TOX: variants seen among roughly 807,000 people sequenced by gnomAD.
The protein encoded by TOX is thymocyte selection-associated high mobility group box protein TOX.
In TOX, 11 loss-of-function variants were observed where a neutral mutation model predicts 53.7. The ratio of observed to expected loss-of-function variants is 0.20; its 90% CI spans 0.13 to 0.34. The LOEUF (loss-of-function observed/expected upper bound fraction) is 0.34. Ranked by LOEUF, TOX falls within the 10% of genes least tolerant of loss-of-function variation. TOX has a pLI of 1.00. For missense variants in TOX, 570 were observed against 664.6 expected, an observed-to-expected ratio of 0.86 and a Z score of 1.56; for synonymous variants, 225 against 245.3, an observed-to-expected ratio of 0.92 and a Z score of 0.77.
chr8:58,978,482 A>T (rs1323429398), intron 1 of TOX, among the ~76,000 whole-genome samples: 1 of 152,230 alleles, frequency 6.6e-6, no homozygotes, highest in African/African-American at 2.4e-5. Context: ...CTTAGACAAC[A>T]TAAGGTATCT....
chr8:59,024,863 A>G (rs769171572), intron 1 of TOX, among the ~76,000 whole-genome samples: 14 of 152,232 alleles, frequency 9.2e-5, no homozygotes, highest in South Asian at 4.1e-4. Context: ...TAAAATTATT[A>G]AAGTAAATGT....
intron 1 of TOX, among the ~76,000 whole-genome samples, chr8:59,075,855 A>T (rs1294512286): frequency 6.6e-6 from 1 of 152,092 alleles, no homozygotes; most frequent in East Asian, 1.9e-4. Context: ...AAAATGCAAA[A>T]TTAGCCAGGC....
intron 3 of TOX, among the ~76,000 whole-genome samples, chr8:58,855,392 C>CT (rs1810897773): frequency 6.6e-6 from 1 of 152,158 alleles, no homozygotes; most frequent in Non-Finnish European, 1.5e-5. Flanking sequence ...TATTTTTTTT[C>CT]TGTCTGACCA....
intron 1 of TOX, among the ~76,000 whole-genome samples, chr8:59,065,345 A>C (rs1482121520): frequency 6.6e-6 from 1 of 152,180 alleles, no homozygotes; most frequent in East Asian, 1.9e-4. Flanking sequence ...TTGGATTACA[A>C]TTGCACGTTA....
intron 7 of TOX, among the ~76,000 whole-genome samples, chr8:58,808,854 G>A (rs930431956): frequency 2.6e-5 from 4 of 152,124 alleles, no homozygotes. Flanking sequence ...CTAATACAGG[G>A]AAAAGAGATT....
intron 1 of TOX, among the ~76,000 whole-genome samples, chr8:59,041,820 T>C (rs188760730): frequency 1.4e-4 from 22 of 152,348 alleles, no homozygotes; most frequent in Admixed American, 2.6e-4. Context: ...ACCACCATCA[T>C]GTTGTATGTA....
intron 1 of TOX, among the ~76,000 whole-genome samples, chr8:59,025,095 T>C (rs1814209819): frequency 6.6e-6 from 1 of 152,088 alleles, no homozygotes. Context: ...TACAGTTAAC[T>C]TGGACTCAGA....
In TOX at chr8:58,805,436, T is replaced by C. The variant is rs1169930243; in HGVS notation, c.*2311A>G. The C allele has an allele frequency of 2.6e-5, 4 of 152,296 alleles. No individual in the cohort carries two copies. The highest frequency in any genetic ancestry group is 9.6e-5 in the African/African-American group (4 of 41,460). The allele number at this position is 152,296 out of a possible 1,614,324, so 9.4% of individuals were successfully genotyped here. A position where few individuals can be genotyped will look rare whatever the true frequency, so the allele number is the denominator to read the frequency against. On this transcript the variant is annotated 3_prime_UTR_variant, in exon 9 of 9. Transcript: ENST00000361421. ...ATACGGTCACGCATAATAACAGTTT[T>C]ATTGATGATGTGTTTTCTTTTATTT...
Position 58,949,474 on chromosome 8 carries a change from T to C in TOX, c.169-9930A>G, listed in dbSNP as rs545675346. Among the ~76,000 whole-genome samples the C allele has an allele frequency of 2.0e-5, 3 of 152,308 alleles. No individual in the cohort carries two copies. In the South Asian group the frequency reaches 6.2e-4, roughly 32 times the overall value. ...CTCTACTTATGCTCAAATGGAATCA[T>C]AGAATGCTTGCTCAAGAAGAAACCT... On this transcript the variant is annotated intron_variant, in intron 2 of 8. Transcript: ENST00000361421.
At chr8:59,005,623 G>A (rs983667802) in intron 1 of TOX, among the ~76,000 whole-genome samples, 1 of 151,926 alleles carries the variant, frequency 6.6e-6, no homozygotes, top group Non-Finnish European at 1.5e-5. Context: ...TTCACTACAT[G>A]TACAACCATT....
chr8:59,079,873 G>T (rs1330253573), intron 1 of TOX, among the ~76,000 whole-genome samples: 1 of 152,182 alleles, frequency 6.6e-6, no homozygotes, highest in African/African-American at 2.4e-5. Flanking sequence ...GCAGCCTCAG[G>T]GGCTTAGCCC....
chr8:59,033,620 C>T (rs1268384637), intron 1 of TOX, among the ~76,000 whole-genome samples: 1 of 152,172 alleles, frequency 6.6e-6, no homozygotes, highest in Non-Finnish European at 1.5e-5. Context: ...GAATTTATTC[C>T]AGACATAAAT....
intron 2 of TOX, among the ~76,000 whole-genome samples, chr8:58,952,305 G>A (rs534355940): frequency 5.3e-5 from 8 of 152,258 alleles, no homozygotes; most frequent in Non-Finnish European, 1.0e-4. Context: ...AACTAGCATA[G>A]ACAGGTGACA....
chr8:59,090,651 A>T (rs1458256322), intron 1 of TOX, among the ~76,000 whole-genome samples: 2 of 152,174 alleles, frequency 1.3e-5, no homozygotes, highest in Non-Finnish European at 2.9e-5. Flanking sequence ...CTGGGTCCTC[A>T]GTGCTGCTCA....
At chr8:58,889,043 A>G (rs78704327) in intron 3 of TOX, among the ~76,000 whole-genome samples, 5,276 of 152,058 alleles carry the variant, frequency 0.035, 308 homozygotes, top group African/African-American at 0.12. Flanking sequence ...GCATTCCCAT[A>G]TCTAGAGAAT....
chr8:59,095,685 C>T (rs1002952950), intron 1 of TOX, among the ~76,000 whole-genome samples: 2 of 152,198 alleles, frequency 1.3e-5, no homozygotes, highest in Non-Finnish European at 2.9e-5. Context: ...CAGGCGTGAG[C>T]CACTGCGCCC....
At chr8:59,040,073 T>TA (rs1407659411) in intron 1 of TOX, among the ~76,000 whole-genome samples, 1 of 152,166 alleles carries the variant, frequency 6.6e-6, no homozygotes, top group African/African-American at 2.4e-5. Context: ...CTCACGCCTG[T>TA]AATCCCAGCA....
intron 2 of TOX, among the ~76,000 whole-genome samples, chr8:58,947,257 A>C (rs960485475): frequency 6.6e-6 from 1 of 152,128 alleles, no homozygotes; most frequent in African/African-American, 2.4e-5. Flanking sequence ...AGGCTACATA[A>C]AATTTCTAGA....
At chr8:58,964,864 G>GGTGT (rs34469462) in intron 1 of TOX, among the ~76,000 whole-genome samples, 12,826 of 148,132 alleles carry the variant, frequency 0.087, 709 homozygotes, top group East Asian at 0.24. Context: ...ATTTGTAGCT[G>GGTGT]GTGTGTGTGT....
Sources: gnomAD v4.1 joint callset for allele counts (sites outside exome capture counted in the v4.1 genomes callset) on GRCh38, gnomAD v4.1.1 for gene constraint, MANE v1.5 for transcripts, NCBI Gene and HGNC (gene_info 2026-07-23, HGNC 2026-07-21) for gene names.